FBRS: variants seen among roughly 807,000 people sequenced by gnomAD.
FBRS encodes probable fibrosin-1.
A neutral mutation model predicts 86.1 loss-of-function variants in FBRS; 15 were observed. That is an observed-to-expected ratio of 0.17 (90% confidence interval 0.12 to 0.27). FBRS has a LOEUF of 0.27. Ranked by LOEUF, FBRS falls within the 10% of genes least tolerant of loss-of-function variation. The pLI is 1.00. For synonymous variants in FBRS, 666 were observed against 575.8 expected, an observed-to-expected ratio of 1.16 and a Z score of -2.24; for missense variants, 1,367 against 1,301.6, an observed-to-expected ratio of 1.05 and a Z score of -0.77.
rs765386015 is a variant in FBRS at position 30,669,198 on chromosome 16, CGCCGCCGCTGCCGCTGCTGCT to C, written c.2505_2525del (p.Ala843_Ala849del). 97 of 1,545,416 alleles carry C rather than the reference CGCCGCCGCTGCCGCTGCTGCT, an allele frequency of 6.3e-5. No individual in the cohort carries two copies. In the African/African-American group the frequency reaches 1.2e-3, roughly 19 times the overall value. On this transcript the variant is annotated inframe_deletion, in exon 18 of 18. Transcript: ENST00000356166. This position sits in a 1 kb window ranked among gnomAD's most constrained non-coding sequence, Gnocchi z 5.9. Reference sequence around the variant, plus strand: ...AGGAAGAGCGGAAGGAGGAGGCTGCCGCCGCCGCTGCCGCTGCTGCTGCCGCCGCCGCTGCCGCCGCCGCAG... The same window carrying C: ...AGGAAGAGCGGAAGGAGGAGGCTGCCGCCGCCGCCGCTGCCGCCGCCGCAG...
chr16:30,664,946 G>C, intron 8 of FBRS, 26 bp downstream of exon 8: 2 of 1,608,578 alleles, frequency 1.2e-6, no homozygotes, highest in Non-Finnish European at 1.7e-6. Context: ...GGCTGGCGAT[G>C]AGGCTCGGAG....
At chr16:30,668,426 A>G in intron 15 of FBRS, 134 bp from the exon 16 acceptor site, 1 of 734,758 alleles carries the variant, frequency 1.4e-6, no homozygotes, top group South Asian at 1.8e-5. Context: ...GGCCCAAGGA[A>G]GTGCTCAGCA....
Position 30,670,169 on chromosome 16 carries a change from G to A in FBRS, c.*524G>A. 1 of 458,608 alleles carries A rather than the reference G, an allele frequency of 2.2e-6. No homozygotes were observed. Among genetic ancestry groups the A allele is most frequent in the Non-Finnish European group, 4.4e-6 (1 of 227,328 alleles). The allele number at this position is 458,608 out of a possible 1,614,324, so 28.4% of individuals were successfully genotyped here. A position where few individuals can be genotyped will look rare whatever the true frequency, so the allele number is the denominator to read the frequency against. On this transcript the variant is annotated 3_prime_UTR_variant, in exon 18 of 18. Coordinates refer to ENST00000356166, the MANE Select transcript of FBRS (RefSeq NM_001105079.3). ...GCCCCTCCCAACAGTTCCCTTCCTGGTTAATTAAACCCTCAGACTGGTGCT... is the reference window on the plus strand; with the variant it reads ...GCCCCTCCCAACAGTTCCCTTCCTGATTAATTAAACCCTCAGACTGGTGCT...
chr16:30,660,111 C>A, intron 1 of FBRS, 134 bp downstream of exon 1: 1 of 1,435,400 alleles, frequency 7.0e-7, no homozygotes. Flanking sequence ...TCTGGCCAGG[C>A]CTCTGCCCCG....
intron 15 of FBRS, chr16:30,667,848 A>C: frequency 2.2e-6 from 1 of 455,146 alleles, no homozygotes; most frequent in East Asian, 3.4e-5. Context: ...CCTGTCTCCC[A>C]GTAGCCAGTG....
Position 30,660,294 on chromosome 16 carries a change from T to G in FBRS, c.491T>G (p.Leu164Arg). 2.3e-6 allele frequency: 3 copies of G among 1,302,934 alleles called. No homozygotes were observed. Among genetic ancestry groups the G allele is most frequent in the Non-Finnish European group, 2.9e-6 (3 of 1,017,372 alleles). 80.7% of individuals were successfully genotyped at this position (1,302,934 alleles called of 1,614,324 possible). The change falls in exon 2 of 18, where the codon CTG becomes CGG. Residue 164 changes from leucine (L) to arginine (R), a missense_variant. Around this residue, in one of 3 missense-constraint regions of FBRS, gnomAD observed 702 missense variants for 598.7 expected, o/e 1.17. Coordinates refer to ENST00000356166, the MANE Select transcript of FBRS (RefSeq NM_001105079.3). ...KDASLQPPERLEHRLKHSGKR... is the reference protein window; with the variant it reads ...KDASLQPPERREHRLKHSGKR... ...GCATCTCTTCAGCCCCCAGAGCGAC[T>G]GGAACATCGGCTGAAGCATTCTGGG... is the stretch of plus-strand genomic sequence containing the variant.
At chr16:30,668,187 T>G in intron 15 of FBRS, 1 of 248,628 alleles carries the variant, frequency 4.0e-6, no homozygotes, top group South Asian at 1.0e-4. Context: ...GGAGATCTGC[T>G]GTGATGGGTC....
At chr16:30,661,068 G>A (rs1318698736) in intron 2 of FBRS, 112 bp from the exon 3 acceptor site, 2 of 1,488,742 alleles carry the variant, frequency 1.3e-6, no homozygotes, top group Non-Finnish European at 1.8e-6. Context: ...GCAGCTGGAA[G>A]GAGAGGCTGA....
Position 30,667,035 on chromosome 16 carries a change from G to C in FBRS, c.1875+45G>C, listed in dbSNP as rs748916050. The C allele has an allele frequency of 2.4e-5, 37 of 1,553,320 alleles. 1 individual carries two copies. The Admixed American group carries it at 7.0e-4, about 29-fold the overall frequency. On this transcript the variant is annotated intron_variant, in intron 13 of 17. Transcript: ENST00000356166. ...GGGGAGAGTGGGTCTCAGAGTCAGG[G>C]GAGGACTGAGCTCTGGGCATTGGCC... is the stretch of plus-strand genomic sequence containing the variant.
chr16:30,668,611 G>A lies in FBRS; in HGVS notation c.2126G>A (p.Gly709Glu). Residue 709 changes from glycine (G) to glutamate (E), a missense_variant, in exon 16 of 18, where the codon GGG becomes GAG. Transcript: ENST00000356166. ...SFASLAALSNGAFGGLGSPTF... is the reference protein window; with the variant it reads ...SFASLAALSNEAFGGLGSPTF... ...GCCTCTTTGGCTGCCCTCTCCAACG[G>A]GGCCTTTGGAGGCCTGGGCAGCCCC... 1 of 1,611,874 alleles carries A rather than the reference G, an allele frequency of 6.2e-7. No individual in the cohort carries two copies. The highest frequency in any genetic ancestry group is 2.2e-5 in the East Asian group (1 of 44,798).
rs1186790713 is a variant in FBRS at position 30,668,805 on chromosome 16, C to T, written c.2192C>T (p.Pro731Leu). The change falls in exon 17 of 18, where the codon CCA becomes CTA. Residue 731 changes from proline to leucine, a missense_variant. Physicochemically the swap from Pro to Leu is moderately conservative, Grantham distance 98. Around this residue, in one of 3 missense-constraint regions of FBRS, gnomAD observed 659 missense variants for 678.8 expected, o/e 0.97. Coordinates refer to ENST00000356166, the MANE Select transcript of FBRS (RefSeq NM_001105079.3). ...SGAVFAQKESPGAPPAFASPP... is the reference protein window; with the variant it reads ...SGAVFAQKESLGAPPAFASPP... ...GCCGTCTTTGCCCAGAAAGAAAGCC[C>T]AGGGGCCCCACCAGCCTTCGCCTCC... The T allele has an allele frequency of 5.6e-6, 9 of 1,599,644 alleles. No individual in the cohort carries two copies. The East Asian group carries it at 1.6e-4, about 28-fold the overall frequency.
In FBRS at chr16:30,659,793, G is replaced by C; in HGVS notation, c.275G>C (p.Arg92Pro). The C allele has an allele frequency of 6.7e-7, 1 of 1,499,904 alleles. No homozygotes were observed. Among genetic ancestry groups the C allele is most frequent in the Non-Finnish European group, 8.9e-7 (1 of 1,129,638 alleles). The allele number at this position is 1,499,904 out of a possible 1,614,324, so 92.9% of individuals were successfully genotyped here. Residue 92 changes from arginine to proline, a missense_variant, in exon 1 of 18, where the codon CGA (arginine) becomes CCA (proline). Physicochemically the swap from Arg to Pro is moderately radical, Grantham distance 103. Transcript: ENST00000356166. ...CCCCGTCCGAGACCTCGACCCCCGCGACCCCGAGCTCGGAAGCGGCCTGCC... is the reference window on the plus strand; with the variant it reads ...CCCCGTCCGAGACCTCGACCCCCGCCACCCCGAGCTCGGAAGCGGCCTGCC... ...RRPRPRPRPP[R>P]PRARKRPAGS...
Position 30,660,304 on chromosome 16 carries a change from G to C in FBRS, c.501G>C (p.Arg167=). 7.7e-7 allele frequency: 1 copy of C among 1,303,148 alleles called. No homozygotes were observed. Among genetic ancestry groups the C allele is most frequent in the South Asian group, 2.5e-5 (1 of 40,662 alleles). The allele number at this position is 1,303,148 out of a possible 1,614,324, so 80.7% of individuals were successfully genotyped here. A position where few individuals can be genotyped will look rare whatever the true frequency, so the allele number is the denominator to read the frequency against. Residue 167 remains arginine (R), a synonymous_variant, in exon 2 of 18, where the codon CGG becomes CGC. Coordinates refer to ENST00000356166, the MANE Select transcript of FBRS (RefSeq NM_001105079.3). ...SLQPPERLEH[R]LKHSGKRKRG... ...AGCCCCCAGAGCGACTGGAACATCG[G>C]CTGAAGCATTCTGGGAAGCGGAAAA...
chr16:30,670,242 G>A lies in FBRS; in HGVS notation c.*597G>A, dbSNP rs1270948320. On this transcript the variant is annotated 3_prime_UTR_variant, in exon 18 of 18. Transcript: ENST00000356166. Reference sequence around the variant, plus strand: ...CTGTGGGGAAAGGGGACTGCAGGGGGAAGAGCCGGGAAGGGACAGTCAGGC... The same window carrying A: ...CTGTGGGGAAAGGGGACTGCAGGGGAAAGAGCCGGGAAGGGACAGTCAGGC... The A allele has an allele frequency of 1.1e-5, 5 of 456,342 alleles. No homozygotes were observed. Among genetic ancestry groups the A allele is most frequent in the African/African-American group, 6.0e-5 (3 of 49,952 alleles). The allele number at this position is 456,342 out of a possible 1,614,324, so 28.3% of individuals were successfully genotyped here. A position where few individuals can be genotyped will look rare whatever the true frequency, so the allele number is the denominator to read the frequency against.
Position 30,665,543 on chromosome 16 carries a change from A to G in FBRS, c.1705-95A>G. 1 of 1,474,516 alleles carries G rather than the reference A, an allele frequency of 6.8e-7. No individual in the cohort carries two copies. The highest frequency in any genetic ancestry group is 9.3e-7 in the Non-Finnish European group (1 of 1,076,958). The allele number at this position is 1,474,516 out of a possible 1,614,324, so 91.3% of individuals were successfully genotyped here. A position where few individuals can be genotyped will look rare whatever the true frequency, so the allele number is the denominator to read the frequency against. Reference sequence around the variant, plus strand: ...GCTGCACCCAGTTTTCTCCAAAGCCATGATCCCTCCCTGCCCAGTGTCCCA... The same window carrying G: ...GCTGCACCCAGTTTTCTCCAAAGCCGTGATCCCTCCCTGCCCAGTGTCCCA... On this transcript the variant is annotated intron_variant, in intron 10 of 17. Coordinates refer to ENST00000356166, the MANE Select transcript of FBRS (RefSeq NM_001105079.3). The surrounding 1 kb of genome is among the most constrained non-coding windows in gnomAD (Gnocchi z 4.1).
rs1252231346 is a variant in FBRS, at chr16:30,666,906, T to C, written c.1804-13T>C. ...CCTTCCCTTTCCCTTTGGTCATCCT[T>C]CTGGGGCGGCAGAAACCAGGGAAGT... On this transcript the variant is annotated splice_polypyrimidine_tract_variant and intron_variant, in intron 12 of 17. Transcript: ENST00000356166. 6 of 1,610,710 alleles carry C rather than the reference T, an allele frequency of 3.7e-6. No homozygotes were observed. The highest frequency in any genetic ancestry group is 5.1e-6 in the Non-Finnish European group (6 of 1,178,504).
chr16:30,661,483 G>A, intron 4 of FBRS, 150 bp downstream of exon 4: 5 of 1,452,798 alleles, frequency 3.4e-6, no homozygotes, highest in Non-Finnish European at 4.7e-6. Context: ...AGGAACGGGG[G>A]TGGATTGGGA....
rs775572519 is a variant in FBRS at position 30,659,702 on chromosome 16, C to T, written c.184C>T (p.Pro62Ser). Reference sequence around the variant, plus strand: ...CTCCTCGTCCTCGTCGTCGCCGCCGCCGCCCGCCAGGCCTTGGTCGTCAGC... The same window carrying T: ...CTCCTCGTCCTCGTCGTCGCCGCCGTCGCCCGCCAGGCCTTGGTCGTCAGC... ...RGSSSSSSPP[P>S]PARPWSSASS... Residue 62 changes from proline (P) to serine (S), a missense_variant, in exon 1 of 18, where the codon CCG becomes TCG. Transcript: ENST00000356166. 2.0e-6 allele frequency: 2 copies of T among 1,012,092 alleles called. No homozygotes were observed. Among genetic ancestry groups the T allele is most frequent in the South Asian group, 1.6e-5 (1 of 63,454 alleles). The allele number at this position is 1,012,092 out of a possible 1,614,324, so 62.7% of individuals were successfully genotyped here.
chr16:30,669,398 A>G lies in FBRS; in HGVS notation c.2696A>G (p.Glu899Gly). 3.1e-6 allele frequency: 5 copies of G among 1,612,674 alleles called. No individual in the cohort carries two copies. The highest frequency in any genetic ancestry group is 4.2e-6 in the Non-Finnish European group (5 of 1,179,740). The change falls in exon 18 of 18, where the codon GAG becomes GGG. Residue 899 changes from glutamate (E) to glycine (G), a missense_variant. Physicochemically the swap from Glu to Gly is moderately conservative, Grantham distance 98. Around this residue, in one of 3 missense-constraint regions of FBRS, gnomAD observed 659 missense variants for 678.8 expected, o/e 0.97. Coordinates refer to ENST00000356166, the MANE Select transcript of FBRS (RefSeq NM_001105079.3). This position sits in a 1 kb window ranked among gnomAD's most constrained non-coding sequence, Gnocchi z 5.9. ...CTGGCAAGGCCACCCCGCTTCTATG[A>G]GGCGGGTGAGGAGCTAACTGGACCC... The part of the protein sequence containing the change: ...PRLARPPRFY[E>G]AGEELTGPGA...
Sources: allele counts gnomAD v4.1 joint callset, GRCh38; gene constraint gnomAD v4.1.1; regional missense constraint gnomAD v4.1.1; non-coding constraint Gnocchi (gnomAD v3.1); transcripts MANE v1.5; gene names NCBI Gene and HGNC (gene_info 2026-07-23, HGNC 2026-07-21).